COL28A1: variants seen among roughly 807,000 people sequenced by gnomAD.
The protein encoded by COL28A1 is collagen alpha-1(XXVIII) chain.
Under a neutral mutation model 150.2 loss-of-function variants are expected in COL28A1, and 161 were observed. The ratio of observed to expected loss-of-function variants is 1.07; its 90% CI spans 0.94 to 1.22. The LOEUF (loss-of-function observed/expected upper bound fraction) is 1.22, where lower values mean the gene tolerates loss of function less well. Among genes scored for constraint, COL28A1 ranks in the 50% most tolerant of loss-of-function variants. The pLI is 0.00. For missense variants in COL28A1, 1,617 were observed against 1,388.3 expected, an observed-to-expected ratio of 1.16 and a Z score of -2.62; for synonymous variants, 552 against 469.7, an observed-to-expected ratio of 1.18 and a Z score of -2.26.
Position 7,370,777 on chromosome 7 carries a change from C to G in COL28A1, c.3014G>C (p.Gly1005Ala), listed in dbSNP as rs1488939519. Reference sequence around the variant, plus strand: ...TGGAGTAGATTCACTGAGTTCTTCCCCTGACATCCCAAATCCAGGTTGAGG... The same window carrying G: ...TGGAGTAGATTCACTGAGTTCTTCCGCTGACATCCCAAATCCAGGTTGAGG... ...SSPQPGFGMS[G>A]EELSESTPEP... Residue 1005 changes from glycine to alanine, a missense_variant, in exon 33 of 35, where the codon GGG becomes GCG. Coordinates refer to ENST00000399429, the MANE Select transcript of COL28A1 (RefSeq NM_001037763.3). 29 of 1,613,458 alleles carry G rather than the reference C, an allele frequency of 1.8e-5. No homozygotes were observed. The highest frequency in any genetic ancestry group is 2.3e-5 in the Non-Finnish European group (27 of 1,179,710).
chr7:7,519,869 T>C (rs947072045), intron 6 of COL28A1, among the ~76,000 whole-genome samples, 193 bp downstream of exon 6: 7 of 152,196 alleles, frequency 4.6e-5, no homozygotes, highest in African/African-American at 1.4e-4. Context: ...TCATATATGT[T>C]ACTCAGAATT....
chr7:7,392,229 A>T (rs1782587490), intron 27 of COL28A1, among the ~76,000 whole-genome samples: 1 of 152,158 alleles, frequency 6.6e-6, no homozygotes, highest in African/African-American at 2.4e-5. Context: ...TTTCTCCTTC[A>T]CTTGTGAAGC....
At chr7:7,532,647 A>G in intron 2 of COL28A1, 105 bp downstream of exon 2, 2 of 1,375,384 alleles carry the variant, frequency 1.5e-6, no homozygotes, top group East Asian at 4.7e-5. Flanking sequence ...TATCACATGT[A>G]TACATGTATA....
chr7:7,521,947 A>G lies in COL28A1; in HGVS notation c.717T>C (p.Ile239=), dbSNP rs762422865. ...ILFEKKCERK[I]CECEKGDPGD... Reference sequence around the variant, plus strand: ...CTGGATCTCCCTTCTCACATTCACAAATCTTGCGTTCACACTGAATCAATA... The same window carrying G: ...CTGGATCTCCCTTCTCACATTCACAGATCTTGCGTTCACACTGAATCAATA... The change falls in exon 5 of 35, where the codon ATT becomes ATC. Residue 239 remains isoleucine, a synonymous_variant. Coordinates refer to ENST00000399429, the MANE Select transcript of COL28A1 (RefSeq NM_001037763.3). 18 of 1,124,268 alleles carry G rather than the reference A, an allele frequency of 1.6e-5. No individual in the cohort carries two copies. The highest frequency in any genetic ancestry group is 1.9e-4 in the Middle Eastern group (1 of 5,146). 69.6% of individuals were successfully genotyped at this position (1,124,268 alleles called of 1,614,324 possible). A position where few individuals can be genotyped will look rare whatever the true frequency, so the allele number is the denominator to read the frequency against.
intron 11 of COL28A1, among the ~76,000 whole-genome samples, chr7:7,497,743 A>C (rs1780299413): frequency 6.6e-6 from 1 of 152,208 alleles, no homozygotes; most frequent in African/African-American, 2.4e-5. Context: ...GGGAAATATA[A>C]TTTATCCAAG....
At chr7:7,476,807 T>C (rs1256479926) in intron 14 of COL28A1, among the ~76,000 whole-genome samples, 1 of 152,236 alleles carries the variant, frequency 6.6e-6, no homozygotes, top group Admixed American at 6.5e-5. Flanking sequence ...ATGATTTAAC[T>C]TCTGGGCATA....
chr7:7,395,521 T>C (rs971912632), intron 27 of COL28A1, among the ~76,000 whole-genome samples: 7 of 152,168 alleles, frequency 4.6e-5, no homozygotes, highest in Non-Finnish European at 1.0e-4. Flanking sequence ...GAAGCTTGGG[T>C]TTCTCCTCCA....
chr7:7,492,864 C>T (rs1583496609), intron 11 of COL28A1, among the ~76,000 whole-genome samples: 1 of 150,854 alleles, frequency 6.6e-6, no homozygotes, highest in Non-Finnish European at 1.5e-5. Context: ...TAAGGTTGTA[C>T]TTGTTTTTCT....
intron 27 of COL28A1, among the ~76,000 whole-genome samples, chr7:7,382,891 G>A (rs1315164918): frequency 2.6e-5 from 4 of 152,132 alleles, no homozygotes; most frequent in Non-Finnish European, 5.9e-5. Flanking sequence ...TGGGATTTAC[G>A]AGGCACTCCT....
chr7:7,443,839 C>T (rs939179815), intron 19 of COL28A1, among the ~76,000 whole-genome samples, 186 bp from the exon 20 acceptor site: 2 of 152,096 alleles, frequency 1.3e-5, no homozygotes, highest in Admixed American at 1.3e-4. Context: ...CATCAAACTC[C>T]AGTTTAACTC....
intron 27 of COL28A1, 51 bp downstream of exon 27, chr7:7,417,808 A>G: frequency 2.0e-6 from 3 of 1,495,156 alleles, no homozygotes; most frequent in Non-Finnish European, 2.8e-6. Context: ...CTCTTCTCCC[A>G]ATCACTCTGG....
chr7:7,530,459 C>T (rs1782285939), intron 3 of COL28A1, among the ~76,000 whole-genome samples: 1 of 152,176 alleles, frequency 6.6e-6, no homozygotes, highest in South Asian at 2.1e-4. Flanking sequence ...CTGTAGAAAA[C>T]AGCCATATGA....
intron 13 of COL28A1, among the ~76,000 whole-genome samples, chr7:7,488,353 A>G (rs547924764): frequency 5.9e-5 from 9 of 152,316 alleles, no homozygotes; most frequent in African/African-American, 2.2e-4. Context: ...ATATGTTGCC[A>G]TTTCACTCAC....
At chr7:7,393,029 T>C (rs1236227312) in intron 27 of COL28A1, among the ~76,000 whole-genome samples, 1 of 152,002 alleles carries the variant, frequency 6.6e-6, no homozygotes, top group Non-Finnish European at 1.5e-5. Flanking sequence ...TGGCGAGGAG[T>C]TGTGATCCTT....
Position 7,531,242 on chromosome 7 carries a change from T to G in COL28A1, c.681+106A>C. On this transcript the variant is annotated intron_variant, in intron 3 of 34. Transcript: ENST00000399429. ...TCTTCTTTCTGTTTTCAGTGTTAAC[T>G]CTCATTTTCTCCATCTTTTTGACCC... 5.6e-6 allele frequency: 3 copies of G among 537,600 alleles called. No individual in the cohort carries two copies. In the South Asian group the frequency reaches 9.9e-5, roughly 18 times the overall value. The allele number at this position is 537,600 out of a possible 1,614,324, so 33.3% of individuals were successfully genotyped here. A position where few individuals can be genotyped will look rare whatever the true frequency, so the allele number is the denominator to read the frequency against.
chr7:7,477,482 T>G (rs1045208553), intron 13 of COL28A1, among the ~76,000 whole-genome samples: 15 of 152,220 alleles, frequency 9.9e-5, no homozygotes, highest in African/African-American at 3.1e-4. Flanking sequence ...TGCCATTGTG[T>G]CTGGAATTGG....
At chr7:7,420,010 TC>T (rs1784312610) in intron 25 of COL28A1, 57 bp from the exon 26 acceptor site, 2 of 1,159,662 alleles carry the variant, frequency 1.7e-6, no homozygotes, top group Non-Finnish European at 2.4e-6. Context: ...TATGTTTTTT[TC>T]AATATATATA....
At chr7:7,418,165 G>A (rs575609493) in intron 26 of COL28A1, among the ~76,000 whole-genome samples, 10 of 152,304 alleles carry the variant, frequency 6.6e-5, no homozygotes, top group African/African-American at 9.6e-5. Context: ...AAGCAGAGCC[G>A]CTGGGCCTAA....
chr7:7,419,975 C>T, intron 25 of COL28A1, 22 bp from the exon 26 acceptor site: 4 of 1,526,242 alleles, frequency 2.6e-6, no homozygotes, highest in Non-Finnish European at 2.6e-6. Context: ...CAACAAATAA[C>T]AAGTTACTAA....
Sources: allele counts gnomAD v4.1 joint callset (sites outside exome capture counted in the v4.1 genomes callset), GRCh38; gene constraint gnomAD v4.1.1; transcripts MANE v1.5; gene names NCBI Gene and HGNC (gene_info 2026-07-23, HGNC 2026-07-21).